Variants in GPBP1L1 observed in about 807,000 individuals in gnomAD.
GPBP1L1 encodes the protein GC-rich promoter binding protein 1 like 1.
Under a neutral mutation model 52.5 loss-of-function variants are expected in GPBP1L1, and 23 were observed. That is an observed-to-expected ratio of 0.44 (90% CI 0.32 to 0.62). The LOEUF is 0.62. Among genes scored for constraint, GPBP1L1 ranks in the 20% least tolerant of loss-of-function variants. The probability of loss-of-function intolerance (pLI) is 0.06; values close to 1 mark genes in which losing one functional copy is unlikely to be tolerated. For missense variants in GPBP1L1, 596 were observed against 579.3 expected, an observed-to-expected ratio of 1.03 and a Z score of -0.30; for synonymous variants, 243 against 203.1, an observed-to-expected ratio of 1.20 and a Z score of -1.67.
Position 45,634,149 on chromosome 1 carries a change from CAG to C in GPBP1L1, c.830_831del (p.Ser277CysfsTer9). On this transcript the variant is annotated frameshift_variant, in exon 9 of 13. Transcript: ENST00000355105. LOFTEE classifies it high-confidence loss of function. Reference sequence around the variant, plus strand: ...CTAGCCAGTACCACTGGTTTGGTAACAGAGATTGGACTGGTAAAAGCAGACTC... The same window carrying C: ...CTAGCCAGTACCACTGGTTTGGTAACAGATTGGACTGGTAAAAGCAGACTC... ...SRESAFTSPI[S>X]VTKPVVLASG... 6.2e-7 allele frequency: 1 copy of C among 1,614,012 alleles called. No homozygotes were observed. The highest frequency in any genetic ancestry group is 8.5e-7 in the Non-Finnish European group (1 of 1,179,918).
At chr1:45,651,587 T>C in intron 6 of GPBP1L1, 1 of 656,684 alleles carries the variant, frequency 1.5e-6, no homozygotes. Flanking sequence ...GATGAACTGG[T>C]TAATCGCAGG....
intron 4 of GPBP1L1, among the ~76,000 whole-genome samples, chr1:45,658,411 T>TA (rs1405193647): frequency 1.3e-5 from 2 of 152,110 alleles, no homozygotes; most frequent in Non-Finnish European, 2.9e-5. Context: ...CTGCAGCTAA[T>TA]ACAACACTTA....
At chr1:45,633,205 C>A (rs1261602579) in intron 10 of GPBP1L1, among the ~76,000 whole-genome samples, 1 of 152,178 alleles carries the variant, frequency 6.6e-6, no homozygotes, top group Non-Finnish European at 1.5e-5. Flanking sequence ...AAAACCTGCA[C>A]ATGGATGTTT....
At chr1:45,669,617 AC>A (rs952828078) in intron 2 of GPBP1L1, among the ~76,000 whole-genome samples, 57 of 102,442 alleles carry the variant, frequency 5.6e-4, no homozygotes, top group East Asian at 2.8e-3. Context: ...TTTGGGTATG[AC>A]CCCCCCTCCA....
At chr1:45,681,961 C>A (rs1252243478) in intron 2 of GPBP1L1, among the ~76,000 whole-genome samples, 1 of 152,194 alleles carries the variant, frequency 6.6e-6, no homozygotes, top group Non-Finnish European at 1.5e-5. Flanking sequence ...TACTTAACTT[C>A]TTGGAACCTC....
intron 10 of GPBP1L1, among the ~76,000 whole-genome samples, chr1:45,632,503 G>A (rs1451201952): frequency 6.6e-6 from 1 of 152,136 alleles, no homozygotes; most frequent in Non-Finnish European, 1.5e-5. Flanking sequence ...AACACTTGAG[G>A]CCAGGAGTTC....
intron 2 of GPBP1L1, among the ~76,000 whole-genome samples, chr1:45,674,484 A>T (rs1198415255): frequency 2.0e-5 from 3 of 152,220 alleles, no homozygotes; most frequent in African/African-American, 7.2e-5. Flanking sequence ...TCTTCTCCCT[A>T]CCCTGTGATT....
intron 2 of GPBP1L1, among the ~76,000 whole-genome samples, chr1:45,682,317 T>C (rs550650116): frequency 2.6e-5 from 4 of 152,338 alleles, no homozygotes; most frequent in East Asian, 1.9e-4. Flanking sequence ...ATTTAAAGTA[T>C]AGCTAAACTT....
rs914335168 is a variant in GPBP1L1, at chr1:45,638,334, A to G, written c.744+1876T>C. 4.6e-5 allele frequency among the ~76,000 whole-genome samples: 7 copies of G among 152,176 alleles called. No homozygotes were observed. In the East Asian group the frequency reaches 1.3e-3, roughly 29 times the overall value. Reference sequence around the variant, plus strand: ...TTAAAAGGTGCCACTACCTCCACATATTTCCAAAAGCCCTTGAAATACTGT... The same window carrying G: ...TTAAAAGGTGCCACTACCTCCACATGTTTCCAAAAGCCCTTGAAATACTGT... On this transcript the variant is annotated intron_variant, in intron 8 of 12. Coordinates refer to ENST00000355105, the MANE Select transcript of GPBP1L1 (RefSeq NM_021639.5).
In GPBP1L1 at chr1:45,627,626, AT is replaced by A. The variant is rs1292723731; in HGVS notation, c.*629del. ...TCTTAATCTTTGAAATCTCACAAAA[AT>A]TTATATTTTACAATCCACCCTGAAT... On this transcript the variant is annotated 3_prime_UTR_variant, in exon 13 of 13. Transcript: ENST00000355105. 5 of 152,488 alleles carry A rather than the reference AT, an allele frequency of 3.3e-5. No individual in the cohort carries two copies. The highest frequency in any genetic ancestry group is 1.2e-4 in the African/African-American group (5 of 41,426). The allele number at this position is 152,488 out of a possible 1,614,324, so 9.4% of individuals were successfully genotyped here.
intron 6 of GPBP1L1, among the ~76,000 whole-genome samples, chr1:45,645,086 C>T (rs1644726352): frequency 6.6e-6 from 1 of 152,150 alleles, no homozygotes; most frequent in African/African-American, 2.4e-5. Flanking sequence ...AATTTGGCTT[C>T]TAAATCCTTT....
At chr1:45,686,872 C>G (rs555083991), upstream of GPBP1L1, 1 of 152,834 alleles carries the variant, frequency 6.5e-6, no homozygotes, top group Non-Finnish European at 1.5e-5. Context: ...CCTTCTAACC[C>G]CCTTGCCCAC....
upstream of GPBP1L1, chr1:45,686,991 A>C (rs563710202): frequency 6.6e-6 from 1 of 152,316 alleles, no homozygotes; most frequent in South Asian, 2.1e-4. Flanking sequence ...TCCCGAAACT[A>C]CCTCTACAAG....
chr1:45,663,517 C>T (rs746770491), intron 2 of GPBP1L1, among the ~76,000 whole-genome samples: 1 of 152,170 alleles, frequency 6.6e-6, no homozygotes, highest in African/African-American at 2.4e-5. Flanking sequence ...GTCCTACTAA[C>T]AATTACTCAC....
Position 45,640,226 on chromosome 1 carries a change from ACAGGCTTAGGAAC to A in GPBP1L1, c.715_727del (p.Val239TyrfsTer48). The A allele has an allele frequency of 6.2e-7, 1 of 1,613,776 alleles. No individual in the cohort carries two copies. Among genetic ancestry groups the A allele is most frequent in the Non-Finnish European group, 8.5e-7 (1 of 1,179,678 alleles). ...AAATCATACCTTGGAAGGAGGTGGTACAGGCTTAGGAACCAGGTTCTTATAGACACTTGGAACC... is the reference window on the plus strand; with the variant it reads ...AAATCATACCTTGGAAGGAGGTGGTACAGGTTCTTATAGACACTTGGAACC... On this transcript the variant is annotated frameshift_variant, in exon 8 of 13. Coordinates refer to ENST00000355105, the MANE Select transcript of GPBP1L1 (RefSeq NM_021639.5). LOFTEE classifies it high-confidence loss of function.
At chr1:45,665,325 T>C (rs974367171) in intron 2 of GPBP1L1, among the ~76,000 whole-genome samples, 2 of 152,092 alleles carry the variant, frequency 1.3e-5, no homozygotes, top group Non-Finnish European at 2.9e-5. Context: ...TTCTTTCTAA[T>C]ATGAGATGTC....
At chr1:45,650,909 G>T in intron 6 of GPBP1L1, 1 of 292,528 alleles carries the variant, frequency 3.4e-6, no homozygotes, top group South Asian at 3.1e-5. Flanking sequence ...AACCAATTCT[G>T]CTCCTTCTGC....
In GPBP1L1 at chr1:45,630,497, A is replaced by G; in HGVS notation, c.1154T>C (p.Leu385Pro). The G allele has an allele frequency of 1.2e-6, 2 of 1,613,860 alleles. No homozygotes were observed. The highest frequency in any genetic ancestry group is 1.7e-6 in the Non-Finnish European group (2 of 1,179,778). ...CCTCACTTACCTGTGCTCTGCTTCT[A>G]GAGAGTGTGAGAGAACCTCCCCTTC... Reference protein sequence around the residue: ...VEEGEVLSHSLEAEHRLLKAM... With the variant: ...VEEGEVLSHSPEAEHRLLKAM... The change falls in exon 11 of 13, where the codon CTA (leucine) becomes CCA (proline). Residue 385 changes from leucine (L) to proline (P), a missense_variant. Physicochemically the swap from Leu to Pro is moderately conservative, Grantham distance 98. Coordinates refer to ENST00000355105, the MANE Select transcript of GPBP1L1 (RefSeq NM_021639.5).
At chr1:45,680,913 A>T (rs760505333) in intron 2 of GPBP1L1, among the ~76,000 whole-genome samples, 6 of 152,216 alleles carry the variant, frequency 3.9e-5, no homozygotes, top group Non-Finnish European at 7.3e-5. Context: ...ATAGGGAAAA[A>T]AATTCAGTTT....
Sources: gnomAD v4.1 joint callset for allele counts (sites outside exome capture counted in the v4.1 genomes callset) on GRCh38, gnomAD v4.1.1 for gene constraint, MANE v1.5 for transcripts, NCBI Gene and HGNC (gene_info 2026-07-23, HGNC 2026-07-21) for gene names.